Variants in RP1L1 observed in about 807,000 individuals in gnomAD.
RP1L1 encodes RP1 like 1, also known as retinitis pigmentosa 1-like 1 protein.
Under a neutral mutation model 15.7 loss-of-function variants are expected in RP1L1, and 27 were observed. The ratio of observed to expected loss-of-function variants is 1.72; its 90% confidence interval spans 1.27 to 2.38. The LOEUF (loss-of-function observed/expected upper bound fraction) is 2.38, where lower values mean the gene tolerates loss of function less well. Among genes scored for constraint, RP1L1 ranks in the 30% most tolerant of loss-of-function variants. The pLI, the probability that RP1L1 is intolerant of heterozygous loss-of-function variation, is 0.00. For missense variants in RP1L1, 4,798 were observed against 3,075.9 expected, an observed-to-expected ratio of 1.56 and a Z score of -13.24; for synonymous variants, 1,813 against 1,276.7, an observed-to-expected ratio of 1.42 and a Z score of -8.96.
intron 1 of RP1L1, among the ~76,000 whole-genome samples, chr8:10,651,652 G>C (rs1441496988): frequency 6.6e-6 from 1 of 151,862 alleles, no homozygotes; most frequent in African/African-American, 2.4e-5. Context: ...TTGAACTCAG[G>C]AGGCTGAGGC....
Position 10,616,593 on chromosome 8 carries a change from G to A in RP1L1, c.610-6C>T. ...AGGGCCTGCAGCGAGTCCACCTGAG[G>A]GAGGAGCGGGCGGGGTCAGGAGGCC... On this transcript the variant is annotated splice_region_variant and splice_polypyrimidine_tract_variant and intron_variant, in intron 2 of 3. Transcript: ENST00000382483. 6.2e-7 allele frequency: 1 copy of A among 1,609,650 alleles called. No homozygotes were observed. The highest frequency in any genetic ancestry group is 1.1e-5 in the South Asian group (1 of 91,054).
Position 10,611,114 on chromosome 8 carries a change from C to T in RP1L1, c.2984G>A (p.Gly995Glu). The T allele has an allele frequency of 6.2e-7, 1 of 1,612,938 alleles. No individual in the cohort carries two copies. The highest frequency in any genetic ancestry group is 1.7e-5 in the Admixed American group (1 of 60,034). The change falls in exon 4 of 4, where the codon GGG becomes GAG. Residue 995 changes from glycine to glutamate, a missense_variant. By Grantham distance (98) the Gly-to-Glu change is moderately conservative. Transcript: ENST00000382483. ...GGLRGPEVDP[G>E]DDHSLEGLGE... Reference sequence around the variant, plus strand: ...CAGGCCTTCCAGAGAATGGTCATCCCCAGGGTCCACCTCGGGGCCTCTCAG... The same window carrying T: ...CAGGCCTTCCAGAGAATGGTCATCCTCAGGGTCCACCTCGGGGCCTCTCAG...
intron 1 of RP1L1, among the ~76,000 whole-genome samples, chr8:10,623,991 G>A (rs180877617): frequency 1.5e-3 from 225 of 147,464 alleles, no homozygotes; most frequent in African/African-American, 5.2e-3. Flanking sequence ...CCATGTCCCC[G>A]GCATCACCAT....
chr8:10,642,384 T>G (rs1798419472), intron 1 of RP1L1, among the ~76,000 whole-genome samples: 1 of 152,214 alleles, frequency 6.6e-6, no homozygotes, highest in African/African-American at 2.4e-5. Flanking sequence ...TTTGAAGAGC[T>G]TCTAGGAAAC....
At chr8:10,650,620 G>C (rs890455483) in intron 1 of RP1L1, among the ~76,000 whole-genome samples, 4 of 151,268 alleles carry the variant, frequency 2.6e-5, no homozygotes, top group Admixed American at 6.6e-5. Flanking sequence ...GCAGTGGTGC[G>C]ATCTCAGCTC....
At position 10,610,874 on chromosome 8, in the gene RP1L1, A is replaced by G. The variant is rs754763187; in HGVS notation, c.3224T>C (p.Leu1075Pro). The G allele has an allele frequency of 9.9e-6, 16 of 1,608,688 alleles. No individual in the cohort carries two copies. Among genetic ancestry groups the G allele is most frequent in the Middle Eastern group, 1.6e-4 (1 of 6,066 alleles). Residue 1075 changes from leucine (L) to proline (P), a missense_variant, in exon 4 of 4, where the codon CTT becomes CCT. Leu to Pro is a moderately conservative substitution (Grantham distance 98). Coordinates refer to ENST00000382483, the MANE Select transcript of RP1L1 (RefSeq NM_178857.6). The part of the protein sequence containing the change: ...PAGCRVSLRA[L>P]PGRVSASTQI... ...CGTGGAGGCAGACACCCGGCCAGGAAGTGCCCGCAGGCTCACCCTGCAGCC... is the reference window on the plus strand; with the variant it reads ...CGTGGAGGCAGACACCCGGCCAGGAGGTGCCCGCAGGCTCACCCTGCAGCC...
intron 1 of RP1L1, among the ~76,000 whole-genome samples, chr8:10,624,610 G>C (rs1585982702): frequency 6.6e-6 from 1 of 152,196 alleles, no homozygotes; most frequent in African/African-American, 2.4e-5. Context: ...GTGTTGGAAG[G>C]CTGGGAGGAG....
At chr8:10,640,887 C>T (rs1307027696) in intron 1 of RP1L1, among the ~76,000 whole-genome samples, 5 of 152,050 alleles carry the variant, frequency 3.3e-5, no homozygotes, top group African/African-American at 1.2e-4. Context: ...CCTCTCACCT[C>T]AGCCTGCTGA....
At chr8:10,638,982 T>TAA (rs1470829797) in intron 1 of RP1L1, among the ~76,000 whole-genome samples, 6 of 152,004 alleles carry the variant, frequency 3.9e-5, no homozygotes, top group Admixed American at 2.0e-4. Context: ...CAGGCTCTAC[T>TAA]AAAAAATAAA....
At chr8:10,631,346 CACACACAT>C (rs1563135330) in intron 1 of RP1L1, among the ~76,000 whole-genome samples, 1 of 54,190 alleles carries the variant, frequency 1.8e-5, no homozygotes, top group Non-Finnish European at 5.0e-5. Flanking sequence ...CACACACACG[CACACACAT>C]GCACACAAAC....
rs140500152 is a variant in RP1L1 at position 10,632,557 on chromosome 8, C to T, written c.-19-9337G>A. On this transcript the variant is annotated intron_variant, in intron 1 of 3. Transcript: ENST00000382483. ...GCTCCTTGTCTCCGCTCCTCTCATT[C>T]TCCTGCCAACTCACGGCCTGTAGAA... Among the ~76,000 whole-genome samples the T allele has an allele frequency of 3.6e-3, 541 of 152,336 alleles. 4 individuals carry two copies. The highest frequency in any genetic ancestry group is 0.014 in the South Asian group (68 of 4,826).
rs1008642662 is a variant in RP1L1 at position 10,611,501 on chromosome 8, C to T, written c.2597G>A (p.Arg866His). The change falls in exon 4 of 4, where the codon CGC (arginine) becomes CAC (histidine). Residue 866 changes from arginine to histidine, a missense_variant. Transcript: ENST00000382483. ...PPRGRPCPQR[R>H]SSSCGSTGSS... Reference sequence around the variant, plus strand: ...GCCGGTGCTCCCACAGCTGGAAGAGCGCCTCTGGGGGCAGGGCCGCCCCCT... The same window carrying T: ...GCCGGTGCTCCCACAGCTGGAAGAGTGCCTCTGGGGGCAGGGCCGCCCCCT... The T allele has an allele frequency of 1.7e-5, 27 of 1,574,392 alleles. No individual in the cohort carries two copies. Among genetic ancestry groups the T allele is most frequent in the Admixed American group, 9.3e-5 (5 of 53,544 alleles).
Position 10,608,574 on chromosome 8 carries a change from C to A in RP1L1, c.5524G>T (p.Gly1842Trp), listed in dbSNP as rs1428097424. 6.2e-7 allele frequency: 1 copy of A among 1,611,314 alleles called. No homozygotes were observed. ...AEGIEAPEAE[G>W]EAQPESEGVE... ...CCTTCTGACTCTGGCTGGGCCTCCC[C>A]TTCAGCCTCCGGGGCCTCTATGCCT... is the stretch of plus-strand genomic sequence containing the variant. The change falls in exon 4 of 4, where the codon GGG becomes TGG. Residue 1842 changes from glycine (G) to tryptophan (W), a missense_variant. Transcript: ENST00000382483.
intron 1 of RP1L1, among the ~76,000 whole-genome samples, chr8:10,646,240 C>T (rs192300300): frequency 4.3e-4 from 65 of 152,306 alleles, no homozygotes; most frequent in African/African-American, 1.3e-3. Flanking sequence ...CTGAAGAAGA[C>T]GCTATTCTAT....
chr8:10,608,469 G>C lies in RP1L1; in HGVS notation c.5629C>G (p.Pro1877Ala). 3.1e-6 allele frequency: 5 copies of C among 1,599,676 alleles called. No homozygotes were observed. The highest frequency in any genetic ancestry group is 4.3e-6 in the Non-Finnish European group (5 of 1,173,432). Residue 1877 changes from proline to alanine, a missense_variant, in exon 4 of 4, where the codon CCA (proline) becomes GCA (alanine). Coordinates refer to ENST00000382483, the MANE Select transcript of RP1L1 (RefSeq NM_178857.6). ...GGCTGGGCCTCTCCTTCTGCCTCTG[G>C]GGCCTCTACATCTTCTGACTCTGGC... is the stretch of plus-strand genomic sequence containing the variant. ...AQPESEDVEA[P>A]EAEGEAQPES...
Position 10,608,443 on chromosome 8 carries a change from T to C in RP1L1, c.5655A>G (p.Pro1885=). ...EAPEAEGEAQ[P]ESEDVETPEA... is the part of the protein sequence containing the mutation. ...CTGGGGTCTCTACATCTTCTGACTC[T>C]GGCTGGGCCTCTCCTTCTGCCTCTG... Residue 1885 remains proline (P), a synonymous_variant, in exon 4 of 4, where the codon CCA becomes CCG. Coordinates refer to ENST00000382483, the MANE Select transcript of RP1L1 (RefSeq NM_178857.6). 6.2e-7 allele frequency: 1 copy of C among 1,604,012 alleles called. No individual in the cohort carries two copies. The highest frequency in any genetic ancestry group is 8.5e-7 in the Non-Finnish European group (1 of 1,175,230).
chr8:10,610,067 G>A lies in RP1L1; in HGVS notation c.4031C>T (p.Thr1344Ile), dbSNP rs201309656. 211 of 934,004 alleles carry A rather than the reference G, an allele frequency of 2.3e-4. 3 individuals carry two copies. In the African/African-American group the frequency reaches 5.3e-3, roughly 24 times the overall value. The allele number at this position is 934,004 out of a possible 1,614,324, so 57.9% of individuals were successfully genotyped here. ...TTCTTCTTGCTGTCCTTCTCCTTCT[G>A]TTTCTTTAGTTTCCTCTAACTGCAC... ...EGVQLEETKETEGEGQQEEEA... is the reference protein window; with the variant it reads ...EGVQLEETKEIEGEGQQEEEA... The change falls in exon 4 of 4, where the codon ACA becomes ATA. Residue 1344 changes from threonine to isoleucine, a missense_variant. Transcript: ENST00000382483.
intron 1 of RP1L1, among the ~76,000 whole-genome samples, chr8:10,627,568 C>T (rs1044363303): frequency 6.6e-6 from 1 of 151,320 alleles, no homozygotes; most frequent in African/African-American, 2.4e-5. Context: ...GGTCGCACAC[C>T]AACGGCACAG....
At chr8:10,629,598 C>G (rs1798209932) in intron 1 of RP1L1, among the ~76,000 whole-genome samples, 1 of 152,162 alleles carries the variant, frequency 6.6e-6, no homozygotes, top group Non-Finnish European at 1.5e-5. Flanking sequence ...CAAATGCAAT[C>G]AACAATTGCA....
Sources: allele counts gnomAD v4.1 joint callset (sites outside exome capture counted in the v4.1 genomes callset), GRCh38; gene constraint gnomAD v4.1.1; transcripts MANE v1.5; gene names NCBI Gene and HGNC (gene_info 2026-07-23, HGNC 2026-07-21).